Variants in RASSF8 observed in about 807,000 individuals in gnomAD.
RASSF8 encodes the protein Ras association domain family member 8, also known as ras association domain-containing protein 8.
Under a neutral mutation model 48.5 loss-of-function variants are expected in RASSF8, and 22 were observed. The ratio of observed to expected loss-of-function variants is 0.45; its 90% CI spans 0.32 to 0.65. The LOEUF (loss-of-function observed/expected upper bound fraction) is 0.65. RASSF8 is among the 30% of genes least tolerant of loss of function. The pLI is 0.03. For synonymous variants in RASSF8, 127 were observed against 171.5 expected, an observed-to-expected ratio of 0.74 and a Z score of 2.03; for missense variants, 418 against 489.2, an observed-to-expected ratio of 0.85 and a Z score of 1.37.
Position 26,010,414 on chromosome 12 carries a change from G to A in RASSF8, c.-109+15284G>A, listed in dbSNP as rs544267239. ...GCAAGTGAGTCATGCAGGAGGGCAC[G>A]AAGTAGAAGGAGGCATTGCCCAGGG... On this transcript the variant is annotated intron_variant, in intron 2 of 5. Transcript: ENST00000689635. 3.3e-5 allele frequency among the ~76,000 whole-genome samples: 5 copies of A among 152,278 alleles called. No individual in the cohort carries two copies. The South Asian group carries it at 6.2e-4, about 19-fold the overall frequency.
In RASSF8 at chr12:26,069,885, G is replaced by A. The variant is rs1245096709; in HGVS notation, c.*1067G>A. On this transcript the variant is annotated 3_prime_UTR_variant, in exon 6 of 6. Coordinates refer to ENST00000689635, the MANE Select transcript of RASSF8 (RefSeq NM_001394098.1). The stretch of plus-strand genomic sequence containing the variant: ...TAGATGGAAAGGAGGTTAAACCTAG[G>A]TACTTTTTAGCAAGGATATAAAGTC... 4.1e-6 allele frequency: 4 copies of A among 983,046 alleles called. No homozygotes were observed. The highest frequency in any genetic ancestry group is 4.8e-6 in the Non-Finnish European group (4 of 827,836). The allele number at this position is 983,046 out of a possible 1,614,324, so 60.9% of individuals were successfully genotyped here. A position where few individuals can be genotyped will look rare whatever the true frequency, so the allele number is the denominator to read the frequency against.
At chr12:25,961,997 C>T (rs376450813) in intron 1 of RASSF8, among the ~76,000 whole-genome samples, 1 of 151,954 alleles carries the variant, frequency 6.6e-6, no homozygotes, top group East Asian at 1.9e-4. Context: ...TTCCTTGGTG[C>T]GGTGCCTCCT....
chr12:26,070,251 G>A lies in RASSF8; in HGVS notation c.*1433G>A. 8 of 982,444 alleles carry A rather than the reference G, an allele frequency of 8.1e-6. No homozygotes were observed. The highest frequency in any genetic ancestry group is 9.7e-6 in the Non-Finnish European group (8 of 827,244). The allele number at this position is 982,444 out of a possible 1,614,324, so 60.9% of individuals were successfully genotyped here. A position where few individuals can be genotyped will look rare whatever the true frequency, so the allele number is the denominator to read the frequency against. On this transcript the variant is annotated 3_prime_UTR_variant, in exon 6 of 6. Coordinates refer to ENST00000689635, the MANE Select transcript of RASSF8 (RefSeq NM_001394098.1). ...AATGCCATGGTAACAATAGAGCTAT[G>A]TCTTATGCATGAAGGCAACTTTGGA...
chr12:26,007,724 G>A (rs752736339), intron 2 of RASSF8, among the ~76,000 whole-genome samples: 1 of 152,160 alleles, frequency 6.6e-6, no homozygotes, highest in Non-Finnish European at 1.5e-5. Context: ...CTTAAAAGCA[G>A]CATTCTTACT....
downstream of RASSF8, among the ~76,000 whole-genome samples, chr12:26,074,882 G>A (rs1944058580): frequency 6.6e-6 from 1 of 152,280 alleles, no homozygotes. Context: ...GATCATGAGG[G>A]GCCTTGGTTG....
intron 1 of RASSF8, among the ~76,000 whole-genome samples, chr12:25,968,345 A>T (rs1941405621): frequency 6.6e-6 from 1 of 151,558 alleles, no homozygotes. Flanking sequence ...TTTTTTATTT[A>T]TTTATTTATT....
At chr12:25,964,240 T>G (rs963918490) in intron 1 of RASSF8, among the ~76,000 whole-genome samples, 12 of 152,166 alleles carry the variant, frequency 7.9e-5, no homozygotes, top group African/African-American at 2.9e-4. Context: ...TTATTACCCA[T>G]TTATTTCACA....
intron 1 of RASSF8, among the ~76,000 whole-genome samples, chr12:25,974,454 C>A (rs1311700005): frequency 6.6e-6 from 1 of 151,364 alleles, no homozygotes. Context: ...TTTGTTTAAT[C>A]CATGAGAGTC....
At chr12:25,992,971 G>A (rs1238012672) in intron 1 of RASSF8, among the ~76,000 whole-genome samples, 1 of 152,182 alleles carries the variant, frequency 6.6e-6, no homozygotes, top group Non-Finnish European at 1.5e-5. Context: ...GTTAGTTTTT[G>A]TAAAGTGACC....
intron 2 of RASSF8, among the ~76,000 whole-genome samples, chr12:26,021,790 C>T (rs562353781): frequency 1.3e-5 from 2 of 152,268 alleles, no homozygotes; most frequent in African/African-American, 4.8e-5. Flanking sequence ...AGAGATTTTG[C>T]CCACTGAGAG....
At chr12:26,055,064 C>T (rs1943573284) in intron 2 of RASSF8, among the ~76,000 whole-genome samples, 172 bp from the exon 3 acceptor site, 1 of 152,140 alleles carries the variant, frequency 6.6e-6, no homozygotes, top group East Asian at 1.9e-4. Context: ...GAAACACTGT[C>T]ATGATAGGTG....
intron 1 of RASSF8, among the ~76,000 whole-genome samples, chr12:25,968,240 T>C (rs1025567253): frequency 2.0e-5 from 3 of 152,382 alleles, no homozygotes; most frequent in Middle Eastern, 3.4e-3. Context: ...AGCCCTAATA[T>C]AACTGAAGTT....
chr12:26,045,093 A>C (rs1171233649), intron 2 of RASSF8, among the ~76,000 whole-genome samples: 1 of 152,216 alleles, frequency 6.6e-6, no homozygotes, highest in African/African-American at 2.4e-5. Flanking sequence ...AGAACAATCA[A>C]AATTATTCTT....
At chr12:26,010,848 C>T (rs2137021269) in intron 2 of RASSF8, among the ~76,000 whole-genome samples, 3 of 151,832 alleles carry the variant, frequency 2.0e-5, no homozygotes, top group Admixed American at 2.0e-4. Flanking sequence ...GCGAGGGGGA[C>T]CTGGGGGATA....
chr12:26,051,733 G>C (rs572159252), intron 2 of RASSF8, among the ~76,000 whole-genome samples: 135 of 152,276 alleles, frequency 8.9e-4, no homozygotes, highest in African/African-American at 3.2e-3. Flanking sequence ...CATTGCATAT[G>C]GTTGAGAAAA....
intron 2 of RASSF8, among the ~76,000 whole-genome samples, chr12:26,029,322 AT>A (rs1379930009): frequency 1.3e-5 from 2 of 152,140 alleles, no homozygotes; most frequent in Non-Finnish European, 2.9e-5. Context: ...AACCCATGTT[AT>A]TTTTTATTGT....
chr12:26,059,229 A>G (rs892522612), intron 3 of RASSF8, among the ~76,000 whole-genome samples: 1 of 152,220 alleles, frequency 6.6e-6, no homozygotes, highest in Non-Finnish European at 1.5e-5. Flanking sequence ...CCAGCTAACA[A>G]AAGATGAGAG....
intron 2 of RASSF8, among the ~76,000 whole-genome samples, chr12:26,047,710 A>G (rs1943401689): frequency 6.6e-6 from 1 of 152,204 alleles, no homozygotes; most frequent in Non-Finnish European, 1.5e-5. Context: ...AGCAGCAGAG[A>G]GGCCTGGACA....
At chr12:26,035,761 A>G (rs1246101026) in intron 2 of RASSF8, among the ~76,000 whole-genome samples, 5 of 145,042 alleles carry the variant, frequency 3.4e-5, no homozygotes, top group African/African-American at 7.5e-5. Flanking sequence ...TAATACATAT[A>G]TCACTATATA....
Sources: gnomAD v4.1 joint callset for allele counts (sites outside exome capture counted in the v4.1 genomes callset) on GRCh38, gnomAD v4.1.1 for gene constraint, MANE v1.5 for transcripts, NCBI Gene and HGNC (gene_info 2026-07-23, HGNC 2026-07-21) for gene names.